LMBRD1: variants seen among roughly 807,000 people sequenced by gnomAD.
LMBRD1 encodes the protein LMBR1 domain containing 1.
A neutral mutation model predicts 74.8 loss-of-function variants in LMBRD1; 64 were observed. The ratio of observed to expected loss-of-function variants is 0.86; its 90% confidence interval spans 0.70 to 1.05. The LOEUF is 1.05. LMBRD1 is among the 50% of genes least tolerant of loss of function. The pLI is 0.00. For synonymous variants in LMBRD1, 204 were observed against 216.3 expected (o/e 0.94, Z 0.50); for missense variants, 652 against 645.9 (o/e 1.01, Z -0.10).
At chr6:69,705,911 G>A (rs1562092466) in intron 9 of LMBRD1, 2 of 1,279,656 alleles carry the variant, frequency 1.6e-6, no homozygotes, top group Non-Finnish European at 2.2e-6. Context: ...ATTGTTGGCT[G>A]TACAGACATT....
At chr6:69,743,992 C>T (rs1450890454) in intron 5 of LMBRD1, among the ~76,000 whole-genome samples, 2 of 152,086 alleles carry the variant, frequency 1.3e-5, no homozygotes, top group African/African-American at 2.4e-5. Flanking sequence ...AAATACCTCC[C>T]AACAGATGAA....
intron 14 of LMBRD1, among the ~76,000 whole-genome samples, chr6:69,695,486 G>T (rs1481243235): frequency 6.6e-6 from 1 of 152,056 alleles, no homozygotes; most frequent in Non-Finnish European, 1.5e-5. Flanking sequence ...CCAGGACTCT[G>T]TTGGAAACCA....
chr6:69,770,822 A>G (rs1477281935), intron 3 of LMBRD1, among the ~76,000 whole-genome samples: 2 of 152,212 alleles, frequency 1.3e-5, no homozygotes, highest in Non-Finnish European at 2.9e-5. Context: ...TAAAGGCTGT[A>G]AAGAAAAAAA....
intron 1 of LMBRD1, among the ~76,000 whole-genome samples, chr6:69,795,944 G>T (rs1363028007): frequency 6.6e-6 from 1 of 152,212 alleles, no homozygotes; most frequent in Non-Finnish European, 1.5e-5. Context: ...CAAAATACGT[G>T]AGAACAGAAA....
At chr6:69,680,411 G>A (rs1278642086) in intron 14 of LMBRD1, among the ~76,000 whole-genome samples, 1 of 152,072 alleles carries the variant, frequency 6.6e-6, no homozygotes, top group Admixed American at 6.6e-5. Flanking sequence ...GGCCAGAACA[G>A]GGCTAACAAA....
intron 4 of LMBRD1, among the ~76,000 whole-genome samples, chr6:69,750,726 A>T (rs1367596492): frequency 6.6e-6 from 1 of 152,112 alleles, no homozygotes; most frequent in African/African-American, 2.4e-5. Flanking sequence ...GATCTTATCA[A>T]ATTTGTAACT....
At chr6:69,729,333 T>C (rs997113056) in intron 7 of LMBRD1, among the ~76,000 whole-genome samples, 1 of 151,370 alleles carries the variant, frequency 6.6e-6, no homozygotes, top group Non-Finnish European at 1.5e-5. Flanking sequence ...ATAACTCAAT[T>C]ATAACGCATA....
At chr6:69,796,724 T>G in intron 1 of LMBRD1, 89 bp downstream of exon 1, 1 of 1,240,734 alleles carries the variant, frequency 8.1e-7, no homozygotes, top group Non-Finnish European at 1.2e-6. Flanking sequence ...GAAGAGGGTC[T>G]CCGGGGCCCG....
chr6:69,745,475 G>T (rs1490108726), intron 5 of LMBRD1, among the ~76,000 whole-genome samples: 3 of 150,338 alleles, frequency 2.0e-5, no homozygotes, highest in Non-Finnish European at 4.4e-5. Flanking sequence ...AGCCAGGATG[G>T]TCTCGATCTC....
intron 5 of LMBRD1, 22 bp downstream of exon 5, chr6:69,749,317 TAA>T (rs747564498): frequency 8.4e-5 from 103 of 1,223,184 alleles, no homozygotes; most frequent in South Asian, 1.7e-4. Flanking sequence ...TTTCATGGTT[TAA>T]AAAAAAAAAA....
chr6:69,748,092 T>C (rs945492401), intron 5 of LMBRD1, among the ~76,000 whole-genome samples: 3 of 152,230 alleles, frequency 2.0e-5, no homozygotes, highest in African/African-American at 4.8e-5. Context: ...GGCAAACTAT[T>C]GGCTGCCTGT....
At chr6:69,733,518 G>A (rs1264849778) in intron 7 of LMBRD1, among the ~76,000 whole-genome samples, 1 of 152,034 alleles carries the variant, frequency 6.6e-6, no homozygotes, top group Admixed American at 6.6e-5. Context: ...GGGAAGCTTG[G>A]GATCAGGTAA....
intron 5 of LMBRD1, among the ~76,000 whole-genome samples, chr6:69,747,035 A>G (rs1421369424): frequency 3.3e-5 from 5 of 151,382 alleles, no homozygotes; most frequent in Admixed American, 6.6e-5. Flanking sequence ...TGTACTATCA[A>G]TAAAGTCCCC....
Position 69,780,541 on chromosome 6 carries a change from GC to G in LMBRD1, c.259del (p.Ala87LeufsTer63). 5 of 1,606,542 alleles carry G rather than the reference GC, an allele frequency of 3.1e-6. No homozygotes were observed. Among genetic ancestry groups the G allele is most frequent in the Non-Finnish European group, 3.4e-6 (4 of 1,173,410 alleles). On this transcript the variant is annotated frameshift_variant, in exon 3 of 16. Transcript: ENST00000649934. LOFTEE classifies it high-confidence loss of function. Reference protein sequence around the residue: ...QNGTFKDWANANVSRQIEDTV... With the variant: ...QNGTFKDWANXNVSRQIEDTV... ...GTCCTCAATCTGTCTGCTGACATTAGCATTAGCCCAGTCCTAGGATAAAAGG... is the reference window on the plus strand; with the variant it reads ...GTCCTCAATCTGTCTGCTGACATTAGATTAGCCCAGTCCTAGGATAAAAGG...
In LMBRD1 at chr6:69,740,139, T is replaced by C. The variant is rs74599590; in HGVS notation, c.562+1650A>G. 7.0e-3 allele frequency among the ~76,000 whole-genome samples: 1,065 copies of C among 152,066 alleles called. 23 individuals carry two copies. In the East Asian group the frequency reaches 0.079, roughly 11 times the overall value. On this transcript the variant is annotated intron_variant, in intron 6 of 15. Coordinates refer to ENST00000649934, the MANE Select transcript of LMBRD1 (RefSeq NM_018368.4). The stretch of plus-strand genomic sequence containing the variant: ...AATCAATCAATCAATAAAAAGGTCA[T>C]ATACCCTTGATGCCTGAAAAATGCA...
chr6:69,789,793 C>G (rs1241535190), intron 2 of LMBRD1, among the ~76,000 whole-genome samples: 2 of 152,050 alleles, frequency 1.3e-5, no homozygotes. Context: ...TAGTCCACAC[C>G]CTTCATTTTT....
At chr6:69,756,420 G>A (rs1765268138) in intron 3 of LMBRD1, among the ~76,000 whole-genome samples, 1 of 149,566 alleles carries the variant, frequency 6.7e-6, no homozygotes, top group African/African-American at 2.5e-5. Context: ...CATTTTAAAA[G>A]ATGCTCAACA....
chr6:69,734,241 T>C (rs1359034262), intron 7 of LMBRD1, among the ~76,000 whole-genome samples: 1 of 152,206 alleles, frequency 6.6e-6, no homozygotes, highest in Non-Finnish European at 1.5e-5. Context: ...CTCTTCTATG[T>C]GTTCCTGGTT....
intron 3 of LMBRD1, among the ~76,000 whole-genome samples, chr6:69,767,703 GT>G (rs1385221557): frequency 1.3e-5 from 2 of 151,782 alleles, no homozygotes; most frequent in Non-Finnish European, 1.5e-5. Flanking sequence ...ACATTTTTAA[GT>G]TCATCAGTAT....
Sources: gnomAD v4.1 joint callset for allele counts (sites outside exome capture counted in the v4.1 genomes callset) on GRCh38, gnomAD v4.1.1 for gene constraint, MANE v1.5 for transcripts, NCBI Gene and HGNC (gene_info 2026-07-23, HGNC 2026-07-21) for gene names.